KRTAP5-10: variants seen among roughly 807,000 people sequenced by gnomAD.
KRTAP5-10 encodes the protein keratin associated protein 5-10.
In KRTAP5-10, 1 loss-of-function variant was observed where a neutral mutation model predicts 1.6. The ratio of observed to expected loss-of-function variants is 0.64; its 90% CI spans 0.23 to 3.04. The LOEUF (loss-of-function observed/expected upper bound fraction) is 3.04. KRTAP5-10 is among the 30% of genes most tolerant of loss of function. The pLI, the probability that KRTAP5-10 is intolerant of heterozygous loss-of-function variation, is 0.21. For synonymous variants in KRTAP5-10, 76 were observed against 102.0 expected (o/e 0.75, Z 1.54); for missense variants, 219 against 255.2 (o/e 0.86, Z 0.97).
In KRTAP5-10 at chr11:71,566,554, T is replaced by G; in HGVS notation, c.*358T>G. On this transcript the variant is annotated 3_prime_UTR_variant, in exon 1 of 1. Transcript: ENST00000398531. ...CAGGCCAATGTTGCTCAGTGATCAC[T>G]AAGAACCAGCTTCTCAACCACCATT... 1 of 324,044 alleles carries G rather than the reference T, an allele frequency of 3.1e-6. No individual in the cohort carries two copies. The highest frequency in any genetic ancestry group is 6.0e-6 in the Non-Finnish European group (1 of 165,396). The allele number at this position is 324,044 out of a possible 1,614,324, so 20.1% of individuals were successfully genotyped here.
At position 71,566,071 on chromosome 11, in the gene KRTAP5-10, T is replaced by G; in HGVS notation, c.484T>G (p.Cys162Gly). ...CTGTGGATCCTGCTGCCAGTCCAGC[T>G]GCTGCAATCCCTGCTGCTGCCAGTC... ...SGCGSCCQSS[C>G]CNPCCCQSSC... The change falls in exon 1 of 1, where the codon TGC becomes GGC. Residue 162 changes from cysteine (C) to glycine (G), a missense_variant. Coordinates refer to ENST00000398531, the MANE Select transcript of KRTAP5-10 (RefSeq NM_001012710.2). The G allele has an allele frequency of 1.2e-6, 2 of 1,611,504 alleles. No homozygotes were observed. The highest frequency in any genetic ancestry group is 1.7e-6 in the Non-Finnish European group (2 of 1,179,610).
At position 71,565,770 on chromosome 11, in the gene KRTAP5-10, C is replaced by T. The variant is rs1446136933; in HGVS notation, c.183C>T (p.Cys61=). ...GCTGCTGTGTGCCAGCCTGTTCCTG[C>T]TCCAGCTGTGGCTCCTGTGGGGGCT... The part of the protein sequence containing the change: ...PVCCCVPACS[C]SSCGSCGGSK... The change falls in exon 1 of 1, where the codon TGC becomes TGT. Residue 61 remains cysteine, a synonymous_variant. Transcript: ENST00000398531. 6.2e-7 allele frequency: 1 copy of T among 1,606,200 alleles called. No individual in the cohort carries two copies. Among genetic ancestry groups the T allele is most frequent in the Non-Finnish European group, 8.5e-7 (1 of 1,178,418 alleles).
rs761687051 is a variant in KRTAP5-10, at chr11:71,565,624, G to A, written c.37G>A (p.Gly13Ser). The A allele has an allele frequency of 8.4e-6, 13 of 1,548,742 alleles. No individual in the cohort carries two copies. Among genetic ancestry groups the A allele is most frequent in the East Asian group, 2.3e-5 (1 of 42,640 alleles). ...CCGCSGGCGS[G>S]CGGCGSGCGG... Reference sequence around the variant, plus strand: ...TGGCTGCTCCGGAGGCTGTGGCTCCGGCTGTGGGGGTTGTGGCTCCGGCTG... The same window carrying A: ...TGGCTGCTCCGGAGGCTGTGGCTCCAGCTGTGGGGGTTGTGGCTCCGGCTG... The change falls in exon 1 of 1, where the codon GGC becomes AGC. Residue 13 changes from glycine to serine, a missense_variant. This residue lies in a region of KRTAP5-10 where 92 missense variants were observed against 108.8 expected (regional missense o/e 0.85). Transcript: ENST00000398531.
In KRTAP5-10 at chr11:71,566,629, C is replaced by A. The variant is rs1220497327; in HGVS notation, c.*433C>A. ...CTCGCTGCCTGTTCTCCAGTGGCCA[C>A]CTGTGACCAGGAAGGTCTCCTTCCT... is the stretch of plus-strand genomic sequence containing the variant. On this transcript the variant is annotated 3_prime_UTR_variant, in exon 1 of 1. Transcript: ENST00000398531. 1 of 204,630 alleles carries A rather than the reference C, an allele frequency of 4.9e-6. No homozygotes were observed. 12.7% of individuals were successfully genotyped at this position (204,630 alleles called of 1,614,324 possible).
In KRTAP5-10 at chr11:71,565,841, G is replaced by A. The variant is rs755823148; in HGVS notation, c.254G>A (p.Gly85Asp). ...GSCGGSKGGC[G>D]SCGGSKGGCG... The stretch of plus-strand genomic sequence containing the variant: ...TGTGGGGGCTCCAAAGGGGGCTGTG[G>A]TTCCTGTGGGGGCTCCAAGGGGGGC... The change falls in exon 1 of 1, where the codon GGT (glycine) becomes GAT (aspartate). Residue 85 changes from glycine to aspartate, a missense_variant. Physicochemically the swap from Gly to Asp is moderately conservative, Grantham distance 94 (BLOSUM62 -1). Coordinates refer to ENST00000398531, the MANE Select transcript of KRTAP5-10 (RefSeq NM_001012710.2). The A allele has an allele frequency of 5.5e-6, 8 of 1,462,628 alleles. No homozygotes were observed. In the African/African-American group the frequency reaches 7.4e-5, roughly 14 times the overall value. 90.6% of individuals were successfully genotyped at this position (1,462,628 alleles called of 1,614,324 possible). A position where few individuals can be genotyped will look rare whatever the true frequency, so the allele number is the denominator to read the frequency against.
rs545692543 is a variant in KRTAP5-10 at position 71,565,741 on chromosome 11, G to C, written c.154G>C (p.Val52Leu). 1.2e-6 allele frequency: 2 copies of C among 1,604,166 alleles called. No individual in the cohort carries two copies. Among genetic ancestry groups the C allele is most frequent in the African/African-American group, 1.4e-5 (1 of 72,842 alleles). The change falls in exon 1 of 1, where the codon GTG (valine) becomes CTG (leucine). Residue 52 changes from valine (V) to leucine (L), a missense_variant. Val to Leu is a conservative substitution (Grantham distance 32). This residue lies in a region of KRTAP5-10 where 92 missense variants were observed against 108.8 expected (regional missense o/e 0.85). Transcript: ENST00000398531. Reference protein sequence around the residue: ...CCVPVCCCKPVCCCVPACSCS... With the variant: ...CCVPVCCCKPLCCCVPACSCS... ...TGTGCCCGTCTGCTGCTGCAAGCCCGTGTGCTGCTGTGTGCCAGCCTGTTC... is the reference window on the plus strand; with the variant it reads ...TGTGCCCGTCTGCTGCTGCAAGCCCCTGTGCTGCTGTGTGCCAGCCTGTTC...
In KRTAP5-10 at chr11:71,566,319, A is replaced by G. The variant is rs191345688; in HGVS notation, c.*123A>G. 6.4e-5 allele frequency: 92 copies of G among 1,433,798 alleles called. No individual in the cohort carries two copies. In the African/African-American group the frequency reaches 9.0e-4, roughly 14 times the overall value. 88.8% of individuals were successfully genotyped at this position (1,433,798 alleles called of 1,614,324 possible). On this transcript the variant is annotated 3_prime_UTR_variant, in exon 1 of 1. Transcript: ENST00000398531. ...CTGCCCCTTCTCCAGCTCATCATCCATGCACGCACCTCCTTCCATGGCTCA... is the reference window on the plus strand; with the variant it reads ...CTGCCCCTTCTCCAGCTCATCATCCGTGCACGCACCTCCTTCCATGGCTCA...
Position 71,566,120 on chromosome 11 carries a change from G to A in KRTAP5-10, c.533G>A (p.Cys178Tyr), listed in dbSNP as rs776250430. 1.2e-6 allele frequency: 2 copies of A among 1,612,904 alleles called. No homozygotes were observed. Among genetic ancestry groups the A allele is most frequent in the African/African-American group, 2.7e-5 (2 of 74,772 alleles). The stretch of plus-strand genomic sequence containing the variant: ...TCCAGCTGCTGTGTCCCCGTGTGCT[G>A]CCAGTCTAGCTGCTGCAAGCCCTGC... ...CQSSCCVPVCCQSSCCKPCCC... is the reference protein window; with the variant it reads ...CQSSCCVPVCYQSSCCKPCCC... The change falls in exon 1 of 1, where the codon TGC becomes TAC. Residue 178 changes from cysteine (C) to tyrosine (Y), a missense_variant. Around this residue, in one of 3 missense-constraint regions of KRTAP5-10, gnomAD observed 124 missense variants for 127.2 expected, o/e 0.98. Coordinates refer to ENST00000398531, the MANE Select transcript of KRTAP5-10 (RefSeq NM_001012710.2).
Position 71,566,010 on chromosome 11 carries a change from G to C in KRTAP5-10, c.423G>C (p.Gln141His), listed in dbSNP as rs771750545. 1.2e-6 allele frequency: 2 copies of C among 1,613,630 alleles called. No individual in the cohort carries two copies. Among genetic ancestry groups the C allele is most frequent in the East Asian group, 4.5e-5 (2 of 44,860 alleles). The change falls in exon 1 of 1, where the codon CAG (glutamine) becomes CAC (histidine). Residue 141 changes from glutamine (Q) to histidine (H), a missense_variant. This residue lies in a region of KRTAP5-10 where 124 missense variants were observed against 127.2 expected (regional missense o/e 0.98). Transcript: ENST00000398531. Reference sequence around the variant, plus strand: ...GCTGTGGTTCTTGTGGCTGCTCCCAGTGCAATTGCTGTAAGCCCTGCTGCT... The same window carrying C: ...GCTGTGGTTCTTGTGGCTGCTCCCACTGCAATTGCTGTAAGCCCTGCTGCT... ...KGGCGSCGCS[Q>H]CNCCKPCCCS...
Position 71,565,579 on chromosome 11 carries a change from A to C in KRTAP5-10, c.-9A>C. The stretch of plus-strand genomic sequence containing the variant: ...CCTCTACCTGATCCACCCTCAATCT[A>C]CCAGAATCATGGGCTGCTGTGGCTG... On this transcript the variant is annotated 5_prime_UTR_variant, in exon 1 of 1. Transcript: ENST00000398531. 16 of 1,550,194 alleles carry C rather than the reference A, an allele frequency of 1.0e-5. No individual in the cohort carries two copies. Among genetic ancestry groups the C allele is most frequent in the Non-Finnish European group, 1.4e-5 (16 of 1,148,940 alleles).
In KRTAP5-10 at chr11:71,566,325, G is replaced by A. The variant is rs73530493; in HGVS notation, c.*129G>A. The A allele has an allele frequency of 6.5e-3, 9,052 of 1,393,702 alleles. 186 individuals are homozygous for A. The highest frequency in any genetic ancestry group is 0.065 in the African/African-American group (4,559 of 70,446). 86.3% of individuals were successfully genotyped at this position (1,393,702 alleles called of 1,614,324 possible). ...CTTCTCCAGCTCATCATCCATGCAC[G>A]CACCTCCTTCCATGGCTCAGCTCTC... On this transcript the variant is annotated 3_prime_UTR_variant, in exon 1 of 1. Transcript: ENST00000398531.
At position 71,565,999 on chromosome 11, in the gene KRTAP5-10, G is replaced by A; in HGVS notation, c.412G>A (p.Gly138Ser). The A allele has an allele frequency of 1.2e-6, 2 of 1,612,732 alleles. No individual in the cohort carries two copies. Among genetic ancestry groups the A allele is most frequent in the Non-Finnish European group, 1.7e-6 (2 of 1,179,702 alleles). The change falls in exon 1 of 1, where the codon GGC becomes AGC. Residue 138 changes from glycine to serine, a missense_variant. By Grantham distance (56) the Gly-to-Ser change is moderately conservative. This residue lies in a region of KRTAP5-10 where 124 missense variants were observed against 127.2 expected (regional missense o/e 0.98). Coordinates refer to ENST00000398531, the MANE Select transcript of KRTAP5-10 (RefSeq NM_001012710.2). ...GGSKGGCGSCGCSQCNCCKPC... is the reference protein window; with the variant it reads ...GGSKGGCGSCSCSQCNCCKPC... ...CTCCAAGGGGGGCTGTGGTTCTTGT[G>A]GCTGCTCCCAGTGCAATTGCTGTAA...
chr11:71,566,528 C>A lies in KRTAP5-10; in HGVS notation c.*332C>A. On this transcript the variant is annotated 3_prime_UTR_variant, in exon 1 of 1. Transcript: ENST00000398531. ...AGATGCAAGGTCTGACCCCACAAGG[C>A]CAGGCCAATGTTGCTCAGTGATCAC... 1 of 441,148 alleles carries A rather than the reference C, an allele frequency of 2.3e-6. No homozygotes were observed. Among genetic ancestry groups the A allele is most frequent in the Non-Finnish European group, 4.3e-6 (1 of 231,846 alleles). The allele number at this position is 441,148 out of a possible 1,614,324, so 27.3% of individuals were successfully genotyped here.
Position 71,566,377 on chromosome 11 carries a change from A to C in KRTAP5-10, c.*181A>C. 1.0e-6 allele frequency: 1 copy of C among 978,906 alleles called. No homozygotes were observed. Among genetic ancestry groups the C allele is most frequent in the South Asian group, 1.7e-5 (1 of 58,606 alleles). 60.6% of individuals were successfully genotyped at this position (978,906 alleles called of 1,614,324 possible). On this transcript the variant is annotated 3_prime_UTR_variant, in exon 1 of 1. Coordinates refer to ENST00000398531, the MANE Select transcript of KRTAP5-10 (RefSeq NM_001012710.2). ...ACTGGGCCCTGCCTTCAGCCTCCTC[A>C]CTCCGGAAATGCATGTTTCCTTGAT...
Position 71,565,723 on chromosome 11 carries a change from G to A in KRTAP5-10, c.136G>A (p.Val46Ile), listed in dbSNP as rs191340120. The change falls in exon 1 of 1, where the codon GTC becomes ATC. Residue 46 changes from valine (V) to isoleucine (I), a missense_variant. By Grantham distance (29) the Val-to-Ile change is conservative (BLOSUM62 3). Around this residue, in one of 3 missense-constraint regions of KRTAP5-10, gnomAD observed 92 missense variants for 108.8 expected, o/e 0.85. Transcript: ENST00000398531. ...CTGTGGCTCCAGCTGCTGTGTGCCC[G>A]TCTGCTGCTGCAAGCCCGTGTGCTG... The part of the protein sequence containing the change: ...GGCGSSCCVP[V>I]CCCKPVCCCV... The A allele has an allele frequency of 0.065, 103,622 of 1,598,988 alleles. 3,575 individuals are homozygous for A. Among genetic ancestry groups the A allele is most frequent in the Admixed American group, 0.1 (5,895 of 58,958 alleles).
In KRTAP5-10 at chr11:71,565,971, G is replaced by A. The variant is rs769782473; in HGVS notation, c.384G>A (p.Gly128=). ...GGSKGGCGSC[G]GSKGGCGSCG... is the part of the protein sequence containing the mutation. ...CCAAAGGTGGCTGTGGTTCCTGTGG[G>A]GGCTCCAAGGGGGGCTGTGGTTCTT... Residue 128 remains glycine, a synonymous_variant, in exon 1 of 1, where the codon GGG becomes GGA. Coordinates refer to ENST00000398531, the MANE Select transcript of KRTAP5-10 (RefSeq NM_001012710.2). 3.9e-5 allele frequency: 63 copies of A among 1,600,020 alleles called. No homozygotes were observed. The highest frequency in any genetic ancestry group is 5.3e-5 in the Non-Finnish European group (62 of 1,173,566).
In KRTAP5-10 at chr11:71,566,488, T is replaced by C. The variant is rs543059957; in HGVS notation, c.*292T>C. The C allele has an allele frequency of 1.9e-6, 1 of 520,630 alleles. No homozygotes were observed. The highest frequency in any genetic ancestry group is 3.6e-6 in the Non-Finnish European group (1 of 281,162). The allele number at this position is 520,630 out of a possible 1,614,324, so 32.3% of individuals were successfully genotyped here. A position where few individuals can be genotyped will look rare whatever the true frequency, so the allele number is the denominator to read the frequency against. On this transcript the variant is annotated 3_prime_UTR_variant, in exon 1 of 1. Transcript: ENST00000398531. ...TTGGGTGTGGACCATCTTCTTCTTC[T>C]CCCTCGGCTGACTGAGATGCAAGGT...
chr11:71,566,285 C>G lies in KRTAP5-10; in HGVS notation c.*89C>G. 2 of 1,569,230 alleles carry G rather than the reference C, an allele frequency of 1.3e-6. No individual in the cohort carries two copies. The highest frequency in any genetic ancestry group is 1.7e-6 in the Non-Finnish European group (2 of 1,151,480). On this transcript the variant is annotated 3_prime_UTR_variant, in exon 1 of 1. Coordinates refer to ENST00000398531, the MANE Select transcript of KRTAP5-10 (RefSeq NM_001012710.2). Reference sequence around the variant, plus strand: ...AATTAATTCATCCCACGCATCCTCCCTGAGGCACCTGCCCCTTCTCCAGCT... The same window carrying G: ...AATTAATTCATCCCACGCATCCTCCGTGAGGCACCTGCCCCTTCTCCAGCT...
Position 71,565,924 on chromosome 11 carries a change from G to T in KRTAP5-10, c.337G>T (p.Gly113Cys), listed in dbSNP as rs1207129970. ...GCGSCGGSKG[G>C]CGSCGGSKGG... is the part of the protein sequence containing the mutation. Reference sequence around the variant, plus strand: ...TGGTTCTTGTGGGGGCTCCAAGGGGGGCTGTGGCTCCTGTGGGGGCTCCAA... The same window carrying T: ...TGGTTCTTGTGGGGGCTCCAAGGGGTGCTGTGGCTCCTGTGGGGGCTCCAA... Residue 113 changes from glycine (G) to cysteine (C), a missense_variant, in exon 1 of 1, where the codon GGC becomes TGC. Transcript: ENST00000398531. 13 of 1,437,826 alleles carry T rather than the reference G, an allele frequency of 9.0e-6. No individual in the cohort carries two copies. Among genetic ancestry groups the T allele is most frequent in the Admixed American group, 2.0e-5 (1 of 50,546 alleles). 89.1% of individuals were successfully genotyped at this position (1,437,826 alleles called of 1,614,324 possible). A position where few individuals can be genotyped will look rare whatever the true frequency, so the allele number is the denominator to read the frequency against.
Sources: allele counts gnomAD v4.1 joint callset, GRCh38; gene constraint gnomAD v4.1.1; regional missense constraint gnomAD v4.1.1; transcripts MANE v1.5; gene names NCBI Gene and HGNC (gene_info 2026-07-23, HGNC 2026-07-21).